Variants in ABI3BP observed in about 807,000 individuals in gnomAD.
ABI3BP encodes the protein ABI family member 3 binding protein.
Under a neutral mutation model 268.6 loss-of-function variants are expected in ABI3BP, and 216 were observed. The observed-to-expected ratio is 0.80, with a 90% CI of 0.72 to 0.90. ABI3BP has a LOEUF of 0.90. ABI3BP is among the 40% of genes least tolerant of loss of function. The pLI is 0.00. For synonymous variants in ABI3BP, 730 were observed against 730.0 expected, an observed-to-expected ratio of 1.00 and a Z score of 0.00; for missense variants, 2,090 against 2,182.4, an observed-to-expected ratio of 0.96 and a Z score of 0.84.
intron 1 of ABI3BP, among the ~76,000 whole-genome samples, chr3:100,963,763 G>C (rs560470924): frequency 6.6e-6 from 1 of 152,270 alleles, no homozygotes; most frequent in Non-Finnish European, 1.5e-5. Context: ...TCCATCCACA[G>C]TAGGGTGTCT....
At chr3:100,900,396 C>A (rs1300950182) in intron 3 of ABI3BP, among the ~76,000 whole-genome samples, 1 of 152,188 alleles carries the variant, frequency 6.6e-6, no homozygotes, top group Non-Finnish European at 1.5e-5. Context: ...AAAAATAAGG[C>A]ACAGAGAAGT....
Position 100,824,771 on chromosome 3 carries a change from T to C in ABI3BP, c.2746+87A>G, listed in dbSNP as rs906371643. 7.2e-6 allele frequency: 8 copies of C among 1,116,708 alleles called. No homozygotes were observed. The Admixed American group carries it at 1.4e-4, about 19-fold the overall frequency. 69.2% of individuals were successfully genotyped at this position (1,116,708 alleles called of 1,614,324 possible). A position where few individuals can be genotyped will look rare whatever the true frequency, so the allele number is the denominator to read the frequency against. On this transcript the variant is annotated intron_variant, in intron 36 of 67. Coordinates refer to ENST00000471714, the MANE Select transcript of ABI3BP (RefSeq NM_001375547.2). The stretch of plus-strand genomic sequence containing the variant: ...CCTCGTGCTTAGGGAGAATAAGACC[T>C]GTTGCTGCTCAGCATTGACACTGCT...
intron 1 of ABI3BP, among the ~76,000 whole-genome samples, chr3:100,981,024 G>A (rs954870711): frequency 3.3e-5 from 5 of 152,164 alleles, no homozygotes; most frequent in African/African-American, 1.2e-4. Flanking sequence ...CACCCTTCGA[G>A]GGACATAGTG....
intron 2 of ABI3BP, among the ~76,000 whole-genome samples, chr3:100,912,954 T>C (rs1412515878): frequency 2.0e-5 from 3 of 152,196 alleles, no homozygotes; most frequent in East Asian, 1.9e-4. Context: ...CTGTGGCCTA[T>C]TGGTAGATGA....
intron 1 of ABI3BP, among the ~76,000 whole-genome samples, chr3:100,974,077 T>G (rs1454607778): frequency 1.3e-5 from 2 of 152,080 alleles, no homozygotes; most frequent in Non-Finnish European, 2.9e-5. Context: ...TATTAGCAGC[T>G]AAAAATAAAA....
chr3:100,853,310 C>T (rs560900467), intron 14 of ABI3BP, among the ~76,000 whole-genome samples: 3 of 152,252 alleles, frequency 2.0e-5, no homozygotes, highest in African/African-American at 7.2e-5. Flanking sequence ...TTCCTTTAGC[C>T]TTGCTGTCAT....
chr3:100,878,142 A>G (rs967357423), intron 6 of ABI3BP, among the ~76,000 whole-genome samples: 2 of 152,190 alleles, frequency 1.3e-5, no homozygotes, highest in Non-Finnish European at 2.9e-5. Flanking sequence ...AAATAAATTT[A>G]TTATCCAAAA....
intron 1 of ABI3BP, among the ~76,000 whole-genome samples, chr3:100,966,947 T>A (rs1245628682): frequency 6.6e-6 from 1 of 152,150 alleles, no homozygotes; most frequent in Non-Finnish European, 1.5e-5. Context: ...AGGCTTTTTT[T>A]TTTTTCAAAC....
chr3:100,990,357 A>T (rs2092717230), intron 1 of ABI3BP, among the ~76,000 whole-genome samples: 1 of 152,112 alleles, frequency 6.6e-6, no homozygotes, highest in South Asian at 2.1e-4. Flanking sequence ...TACCAATGAG[A>T]AAACTGAGGC....
chr3:100,883,152 C>A (rs374760190), intron 6 of ABI3BP, among the ~76,000 whole-genome samples: 2 of 151,926 alleles, frequency 1.3e-5, no homozygotes, highest in East Asian at 1.9e-4. Flanking sequence ...TTACTATATA[C>A]CATAGTTAAA....
At chr3:100,898,248 G>C (rs541117469) in intron 4 of ABI3BP, among the ~76,000 whole-genome samples, 2 of 152,270 alleles carry the variant, frequency 1.3e-5, no homozygotes, top group Admixed American at 6.5e-5. Flanking sequence ...CACCTGGAAG[G>C]CTTGTGAAAA....
At chr3:100,882,983 G>A (rs778965666) in intron 6 of ABI3BP, among the ~76,000 whole-genome samples, 1 of 152,128 alleles carries the variant, frequency 6.6e-6, no homozygotes, top group Non-Finnish European at 1.5e-5. Context: ...TTTTGCCTGT[G>A]AGGTACAGCA....
rs1371973010 is a variant in ABI3BP, at chr3:100,749,827, T to C, written c.*668A>G. On this transcript the variant is annotated 3_prime_UTR_variant, in exon 68 of 68. Transcript: ENST00000471714. ...TAAAAATGTATCTTTTGAAACAATA[T>C]ATTAGACTCCATTTTTAGCTGAAAT... 7.6e-6 allele frequency: 3 copies of C among 397,262 alleles called. No individual in the cohort carries two copies. Among genetic ancestry groups the C allele is most frequent in the Non-Finnish European group, 1.3e-5 (3 of 225,380 alleles). 24.6% of individuals were successfully genotyped at this position (397,262 alleles called of 1,614,324 possible).
At chr3:100,838,352 T>C in intron 25 of ABI3BP, 50 bp downstream of exon 25, 5 of 1,527,982 alleles carry the variant, frequency 3.3e-6, no homozygotes, top group Non-Finnish European at 4.4e-6. Context: ...TAATGTTACT[T>C]ACACATTGTT....
chr3:100,840,315 T>C (rs1016287163), intron 22 of ABI3BP, among the ~76,000 whole-genome samples, 151 bp from the exon 23 acceptor site: 1 of 152,196 alleles, frequency 6.6e-6, no homozygotes, highest in Non-Finnish European at 1.5e-5. Flanking sequence ...ATTATTTATG[T>C]AGTTAAATGA....
At chr3:100,786,881 T>C (rs2097065231) in intron 57 of ABI3BP, among the ~76,000 whole-genome samples, 1 of 152,140 alleles carries the variant, frequency 6.6e-6, no homozygotes, top group African/African-American at 2.4e-5. Context: ...ACTGTAATAA[T>C]CAAGTACAAA....
rs1282038400 is a variant in ABI3BP, at chr3:100,902,606, AAAGGACT to A, written c.328+5_328+11del. ...TCATAAAAGAAAAAGAATTCAATGC[AAAGGACT>A]ATACCTGAACATGACTTCTTTTGAC... On this transcript the variant is annotated splice_donor_5th_base_variant and intron_variant, in intron 3 of 67. Transcript: ENST00000471714. 6.2e-7 allele frequency: 1 copy of A among 1,612,630 alleles called. No individual in the cohort carries two copies.
intron 18 of ABI3BP, 108 bp from the exon 19 acceptor site, chr3:100,847,781 C>A: frequency 1.1e-6 from 1 of 873,104 alleles, no homozygotes; most frequent in Non-Finnish European, 1.9e-6. Flanking sequence ...ATTTAGTAGT[C>A]AAAGTATACA....
At chr3:100,830,661 A>G (rs1488280734) in intron 31 of ABI3BP, 27 bp from the exon 32 acceptor site, 2 of 1,515,624 alleles carry the variant, frequency 1.3e-6, no homozygotes, top group South Asian at 2.5e-5. Context: ...AAAGAAACCA[A>G]AGAGATTTTG....
Sources: allele counts gnomAD v4.1 joint callset (sites outside exome capture counted in the v4.1 genomes callset), GRCh38; gene constraint gnomAD v4.1.1; transcripts MANE v1.5; gene names NCBI Gene and HGNC (gene_info 2026-07-23, HGNC 2026-07-21).